The following KCTD16 variants were observed in gnomAD, a reference collection of about 807,000 sequenced individuals.
KCTD16 encodes the protein BTB/POZ domain-containing protein KCTD16.
Under a neutral mutation model 33.2 loss-of-function variants are expected in KCTD16, and 13 were observed. The ratio of observed to expected loss-of-function variants is 0.39; its 90% CI spans 0.25 to 0.62. KCTD16 has a LOEUF of 0.62. Ranked by LOEUF, KCTD16 falls within the 20% of genes least tolerant of loss-of-function variation. The pLI is 0.50. For synonymous variants in KCTD16, 197 were observed against 195.3 expected, an observed-to-expected ratio of 1.01 and a Z score of -0.07; for missense variants, 441 against 525.1, an observed-to-expected ratio of 0.84 and a Z score of 1.57.
intron 3 of KCTD16, among the ~76,000 whole-genome samples, chr5:144,215,491 C>A: frequency 6.6e-6 from 1 of 152,166 alleles, no homozygotes; most frequent in East Asian, 1.9e-4. Flanking sequence ...GGCAGCATAA[C>A]ATAGTGGTTA....
At chr5:144,462,183 A>G (rs1434548547) in intron 3 of KCTD16, among the ~76,000 whole-genome samples, 1 of 151,388 alleles carries the variant, frequency 6.6e-6, no homozygotes, top group Non-Finnish European at 1.5e-5. Flanking sequence ...TCTCTTAATC[A>G]TTATTATGGC....
chr5:144,215,052 A>G (rs1753516922), intron 3 of KCTD16, among the ~76,000 whole-genome samples: 1 of 152,168 alleles, frequency 6.6e-6, no homozygotes, highest in Non-Finnish European at 1.5e-5. Context: ...GAGGGCAGTG[A>G]TGGTTTGATT....
intron 3 of KCTD16, among the ~76,000 whole-genome samples, chr5:144,419,750 A>C (rs778878973): frequency 2.0e-5 from 3 of 152,200 alleles, no homozygotes; most frequent in African/African-American, 7.2e-5. Context: ...ATAACACTTG[A>C]AATGCTCATG....
intron 3 of KCTD16, among the ~76,000 whole-genome samples, chr5:144,242,274 C>T (rs1754424438): frequency 6.6e-6 from 1 of 151,444 alleles, no homozygotes; most frequent in Non-Finnish European, 1.5e-5. Context: ...TTAGTCTTGT[C>T]TATAAAAAGA....
chr5:144,422,833 C>G (rs1202519410), intron 3 of KCTD16, among the ~76,000 whole-genome samples: 2 of 152,022 alleles, frequency 1.3e-5, no homozygotes, highest in African/African-American at 4.8e-5. Context: ...CAGTAGATCA[C>G]AAAAATGAAT....
At chr5:144,397,545 C>T (rs1303420984) in intron 3 of KCTD16, among the ~76,000 whole-genome samples, 1 of 152,170 alleles carries the variant, frequency 6.6e-6, no homozygotes, top group Non-Finnish European at 1.5e-5. Flanking sequence ...ATCCCACCAA[C>T]AGTGTAAAAG....
chr5:144,247,256 A>T (rs1412545548), intron 3 of KCTD16, among the ~76,000 whole-genome samples: 1 of 152,194 alleles, frequency 6.6e-6, no homozygotes, highest in Non-Finnish European at 1.5e-5. Flanking sequence ...CTGGGTAATG[A>T]AAGACATTGA....
chr5:144,303,989 T>C (rs868021411), intron 3 of KCTD16, among the ~76,000 whole-genome samples: 1 of 152,200 alleles, frequency 6.6e-6, no homozygotes, highest in Non-Finnish European at 1.5e-5. Flanking sequence ...TATGACACTT[T>C]TTGGCCCATA....
intron 3 of KCTD16, among the ~76,000 whole-genome samples, chr5:144,426,773 A>G (rs1301953650): frequency 6.6e-6 from 1 of 152,054 alleles, no homozygotes; most frequent in East Asian, 1.9e-4. Flanking sequence ...TGGGAACTGA[A>G]CTTATCTTTT....
At chr5:144,358,792 A>C (rs920599444) in intron 3 of KCTD16, among the ~76,000 whole-genome samples, 16 of 152,176 alleles carry the variant, frequency 1.1e-4, no homozygotes, top group African/African-American at 3.9e-4. Flanking sequence ...GCACCCTCAG[A>C]TGGTAGAAGG....
At position 144,473,959 on chromosome 5, in the gene KCTD16, A is replaced by G. The variant is rs368969663; in HGVS notation, c.1132A>G (p.Met378Val). Residue 378 changes from methionine (M) to valine (V), a missense_variant, in exon 4 of 4, where the codon ATG becomes GTG. Met to Val is a conservative substitution (Grantham distance 21). This residue lies in a region of KCTD16 where 355 missense variants were observed against 413.0 expected (regional missense o/e 0.86). Coordinates refer to ENST00000512467, the MANE Select transcript of KCTD16 (RefSeq NM_020768.4). The part of the protein sequence containing the change: ...TLTSGSRESN[M>V]SSKKKAVKEK... ...GACTTCAGGCTCCAGGGAATCGAAC[A>G]TGAGCAGCAAAAAAAAAGCTGTTAA... 26 of 1,614,026 alleles carry G rather than the reference A, an allele frequency of 1.6e-5. No homozygotes were observed. The African/African-American group carries it at 1.7e-4, about 11-fold the overall frequency.
In KCTD16 at chr5:144,449,060, T is replaced by A. The variant is rs1045633365; in HGVS notation, c.833-24600T>A. On this transcript the variant is annotated intron_variant, in intron 3 of 3. Coordinates refer to ENST00000512467, the MANE Select transcript of KCTD16 (RefSeq NM_020768.4). ...ATAGGTGGTTTTAAGATTTTCAGTG[T>A]TCTTCTCTGACTTTTCTGATTTTCT... is the stretch of plus-strand genomic sequence containing the variant. 3.9e-5 allele frequency among the ~76,000 whole-genome samples: 6 copies of A among 152,186 alleles called. No homozygotes were observed. The East Asian group carries it at 1.2e-3, about 29-fold the overall frequency.
chr5:144,273,332 T>C (rs1755352832), intron 3 of KCTD16, among the ~76,000 whole-genome samples: 1 of 152,238 alleles, frequency 6.6e-6, no homozygotes, highest in African/African-American at 2.4e-5. Flanking sequence ...ACAACAAATG[T>C]TGGTGAGGAT....
intron 3 of KCTD16, among the ~76,000 whole-genome samples, chr5:144,320,192 G>A (rs1479413656): frequency 7.9e-5 from 12 of 152,106 alleles, no homozygotes; most frequent in African/African-American, 2.9e-4. Flanking sequence ...CTAATTTCCT[G>A]CAATTATAAT....
chr5:144,265,759 G>A (rs1216004694), intron 3 of KCTD16, among the ~76,000 whole-genome samples: 1 of 152,128 alleles, frequency 6.6e-6, no homozygotes, highest in Admixed American at 6.5e-5. Context: ...CATTTAATAT[G>A]CCAATTCTAG....
At chr5:144,250,252 C>T (rs1422708) in intron 3 of KCTD16, among the ~76,000 whole-genome samples, 45,344 of 151,996 alleles carry the variant, frequency 0.3, 6,988 homozygotes, top group African/African-American at 0.36. Flanking sequence ...TGAGCCATTT[C>T]CACCTTGGGT....
intron 3 of KCTD16, among the ~76,000 whole-genome samples, chr5:144,427,252 G>A (rs572063436): frequency 1.1e-4 from 16 of 152,034 alleles, no homozygotes; most frequent in East Asian, 9.7e-4. Context: ...TGAATTAAGC[G>A]GGGGGAGGGG....
At chr5:144,244,311 C>T (rs758111967) in intron 3 of KCTD16, among the ~76,000 whole-genome samples, 1 of 152,086 alleles carries the variant, frequency 6.6e-6, no homozygotes, top group Non-Finnish European at 1.5e-5. Context: ...ATGGTTCCTG[C>T]CTACTTCTAT....
intron 3 of KCTD16, among the ~76,000 whole-genome samples, chr5:144,341,028 A>G (rs1225851723): frequency 6.6e-6 from 1 of 152,126 alleles, no homozygotes; most frequent in Non-Finnish European, 1.5e-5. Context: ...CTGGGCAACA[A>G]GAGCAAAACT....
Sources: gnomAD v4.1 joint callset for allele counts (sites outside exome capture counted in the v4.1 genomes callset) on GRCh38, gnomAD v4.1.1 for gene constraint, gnomAD v4.1.1 regional missense constraint, MANE v1.5 for transcripts, NCBI Gene and HGNC (gene_info 2026-07-23, HGNC 2026-07-21) for gene names.